The following DLGAP4 variants were observed in gnomAD, a reference collection of about 807,000 sequenced individuals.
DLGAP4 encodes the protein disks large-associated protein 4.
A neutral mutation model predicts 86.9 loss-of-function variants in DLGAP4; 18 were observed. The observed-to-expected ratio is 0.21, with a 90% CI of 0.14 to 0.31. The LOEUF is 0.31. Ranked by LOEUF, DLGAP4 falls within the 10% of genes least tolerant of loss-of-function variation. The probability of loss-of-function intolerance (pLI) is 1.00; values close to 1 mark genes in which losing one functional copy is unlikely to be tolerated. For missense variants in DLGAP4, 1,085 were observed against 1,362.6 expected, an observed-to-expected ratio of 0.80 and a Z score of 3.21; for synonymous variants, 548 against 574.3, an observed-to-expected ratio of 0.95 and a Z score of 0.65.
At chr20:36,355,717 A>G (rs1207889859) in intron 1 of DLGAP4, among the ~76,000 whole-genome samples, 3 of 152,218 alleles carry the variant, frequency 2.0e-5, no homozygotes, top group Non-Finnish European at 2.9e-5. Flanking sequence ...TTGCTGGTCA[A>G]TGGGCATTTG....
At chr20:36,311,056 G>GA (rs1313029168) in intron 1 of DLGAP4, among the ~76,000 whole-genome samples, 1 of 152,176 alleles carries the variant, frequency 6.6e-6, no homozygotes, top group African/African-American at 2.4e-5. Context: ...GGCCAGGACT[G>GA]AAGCCTTTAG....
At chr20:36,384,905 C>A (rs2031539813) in intron 2 of DLGAP4, among the ~76,000 whole-genome samples, 1 of 152,156 alleles carries the variant, frequency 6.6e-6, no homozygotes, top group Non-Finnish European at 1.5e-5. Context: ...ACCTGCATAA[C>A]CACATTGGTG....
At chr20:36,382,527 C>CTTTTTTTTTTTTTTTTTTTTTTTTTTTT (rs749210064) in intron 2 of DLGAP4, among the ~76,000 whole-genome samples, 1 of 110,472 alleles carries the variant, frequency 9.1e-6, no homozygotes, top group Non-Finnish European at 1.8e-5. Context: ...TTCTTTTTTT[C>CTTTTTTTTTTTTTTTTTTTTTTTTTTTT]TTTTTTTTTT....
At position 36,308,291 on chromosome 20, in the gene DLGAP4, G is replaced by A. The variant is rs886868082; in HGVS notation, c.-304+1779G>A. On this transcript the variant is annotated intron_variant, in intron 1 of 12. Coordinates refer to ENST00000339266, the MANE Select transcript of DLGAP4 (RefSeq NM_001365621.2). The surrounding 1 kb of genome is among the most constrained non-coding windows in gnomAD (Gnocchi z 4.5). ...AGGCCTGGTGAGGCCTGTGCTGGGC[G>A]CTGGGGAGTGCAATGGCTGACAGGG... Among the ~76,000 whole-genome samples, 3 of 152,222 alleles carry A rather than the reference G, an allele frequency of 2.0e-5. No individual in the cohort carries two copies. Among genetic ancestry groups the A allele is most frequent in the East Asian group, 1.9e-4 (1 of 5,196 alleles).
chr20:36,474,183 T>C, intron 7 of DLGAP4, among the ~76,000 whole-genome samples: 1 of 152,158 alleles, frequency 6.6e-6, no homozygotes, highest in South Asian at 2.1e-4. Context: ...CCAAAAACTG[T>C]CCATGTCCCA....
At chr20:36,456,262 G>A (rs1478575538) in intron 7 of DLGAP4, among the ~76,000 whole-genome samples, 2 of 152,222 alleles carry the variant, frequency 1.3e-5, no homozygotes, top group South Asian at 2.1e-4. Flanking sequence ...TCAGGGAGCA[G>A]TTTCCTACCT....
chr20:36,339,365 G>C (rs951188372), intron 1 of DLGAP4, among the ~76,000 whole-genome samples: 22 of 152,054 alleles, frequency 1.4e-4, no homozygotes, highest in Non-Finnish European at 3.1e-4. Context: ...TGGGATTACA[G>C]GCGTGAGCCA....
chr20:36,378,129 C>A (rs549208030), intron 2 of DLGAP4, among the ~76,000 whole-genome samples: 1 of 152,286 alleles, frequency 6.6e-6, no homozygotes, highest in South Asian at 2.1e-4. Context: ...GGAAGCTCCT[C>A]CCCCTACGCC....
chr20:36,399,938 T>G (rs6017345), intron 2 of DLGAP4, among the ~76,000 whole-genome samples: 11,312 of 152,192 alleles, frequency 0.074, 1,432 homozygotes, highest in African/African-American at 0.26. Context: ...GGCTACTAGC[T>G]TTTAGAGGGC....
rs750500526 is a variant in DLGAP4, at chr20:36,477,546, G to A, written c.1649-19159G>A. Reference sequence around the variant, plus strand: ...GGTGGCTTTGAGGAGCCTGGCCACTGCCCCCTATGGAGGCAGGATAATGGG... The same window carrying A: ...GGTGGCTTTGAGGAGCCTGGCCACTACCCCCTATGGAGGCAGGATAATGGG... On this transcript the variant is annotated intron_variant, in intron 7 of 12. Transcript: ENST00000339266. Among the ~76,000 whole-genome samples, 181 of 152,292 alleles carry A rather than the reference G, an allele frequency of 1.2e-3. 1 individual carries two copies. Among genetic ancestry groups the A allele is most frequent in the Non-Finnish European group, 2.2e-3 (150 of 68,020 alleles).
At chr20:36,373,128 T>C (rs1307681288) in intron 2 of DLGAP4, among the ~76,000 whole-genome samples, 1 of 152,206 alleles carries the variant, frequency 6.6e-6, no homozygotes, top group Non-Finnish European at 1.5e-5. Context: ...GAGCTCTATT[T>C]TGATTTTTGT....
rs958262152 is a variant in DLGAP4 at position 36,313,408 on chromosome 20, A to G, written c.-304+6896A>G. Among the ~76,000 whole-genome samples, 387 of 152,212 alleles carry G rather than the reference A, an allele frequency of 2.5e-3. 2 individuals carry two copies. Among genetic ancestry groups the G allele is most frequent in the East Asian group, 0.013 (66 of 5,166 alleles). On this transcript the variant is annotated intron_variant, in intron 1 of 12. Transcript: ENST00000339266. ...CTGGAGGTTCAGCTGAACAGGGCCC[A>G]AGTTGGAGTCTCAGCATGCCAAGGC...
intron 6 of DLGAP4, among the ~76,000 whole-genome samples, chr20:36,444,592 G>A (rs572048412): frequency 2.0e-5 from 3 of 151,266 alleles, no homozygotes; most frequent in Non-Finnish European, 4.4e-5. Flanking sequence ...GTGGTCTTGA[G>A]CAAGTCAAAT....
At chr20:36,341,457 C>A (rs1292472184) in intron 1 of DLGAP4, among the ~76,000 whole-genome samples, 1 of 152,252 alleles carries the variant, frequency 6.6e-6, no homozygotes. Context: ...GATGGTGATG[C>A]CTGGCACTCA....
intron 2 of DLGAP4, among the ~76,000 whole-genome samples, chr20:36,369,838 A>G (rs533625565): frequency 9.8e-5 from 15 of 152,362 alleles, no homozygotes; most frequent in African/African-American, 3.6e-4. Flanking sequence ...ATGTTTATTG[A>G]GCACTTACTA....
intron 7 of DLGAP4, among the ~76,000 whole-genome samples, chr20:36,447,905 G>GGT (rs2033637185): frequency 7.8e-6 from 1 of 128,174 alleles, no homozygotes; most frequent in Non-Finnish European, 1.6e-5. Context: ...GGGGGGTGGG[G>GGT]GGGGGGGAGA....
intron 11 of DLGAP4, among the ~76,000 whole-genome samples, chr20:36,525,254 A>AAAAAAAAAAAAAAAAAAAAAC (rs1569527332): frequency 1.6e-5 from 1 of 62,464 alleles, no homozygotes; most frequent in African/African-American, 3.8e-5. Context: ...AAAAAAAAAA[A>AAAAAAAAAAAAAAAAAAAAAC]CAAAGAAATC....
intron 1 of DLGAP4, among the ~76,000 whole-genome samples, chr20:36,334,551 C>T (rs1600407607): frequency 1.3e-5 from 2 of 152,094 alleles, no homozygotes; most frequent in Non-Finnish European, 2.9e-5. Flanking sequence ...GGAGACCCCA[C>T]GTAGGAGGCT....
At chr20:36,399,557 G>C (rs2032096676) in intron 2 of DLGAP4, among the ~76,000 whole-genome samples, 1 of 152,228 alleles carries the variant, frequency 6.6e-6, no homozygotes, top group Admixed American at 6.5e-5. Context: ...GGAGCTATGG[G>C]TGGGCCTTGA....
Sources: allele counts gnomAD v4.1 joint callset (sites outside exome capture counted in the v4.1 genomes callset), GRCh38; gene constraint gnomAD v4.1.1; non-coding constraint Gnocchi (gnomAD v3.1); transcripts MANE v1.5; gene names NCBI Gene and HGNC (gene_info 2026-07-23, HGNC 2026-07-21).